ESRRG: variants seen among roughly 807,000 people sequenced by gnomAD.
The protein encoded by ESRRG is estrogen related receptor gamma.
A neutral mutation model predicts 44.0 loss-of-function variants in ESRRG; 13 were observed. The ratio of observed to expected loss-of-function variants is 0.30; its 90% CI spans 0.19 to 0.47. The LOEUF (loss-of-function observed/expected upper bound fraction) is 0.47. ESRRG is among the 20% of genes least tolerant of loss of function. The pLI, the probability that ESRRG is intolerant of heterozygous loss-of-function variation, is 1.00. For missense variants in ESRRG, 395 were observed against 580.6 expected (o/e 0.68, Z 3.29); for synonymous variants, 215 against 214.6 (o/e 1.00, Z -0.02).
At chr1:216,728,556 G>A (rs768862401) in intron 2 of ESRRG, among the ~76,000 whole-genome samples, 1 of 151,926 alleles carries the variant, frequency 6.6e-6, no homozygotes, top group Non-Finnish European at 1.5e-5. Flanking sequence ...GAACAAACAT[G>A]ACAGATTCCA....
At chr1:216,517,673 T>C (rs1266769282) in intron 6 of ESRRG, among the ~76,000 whole-genome samples, 3 of 152,192 alleles carry the variant, frequency 2.0e-5, no homozygotes, top group African/African-American at 4.8e-5. Flanking sequence ...GATGGTATAA[T>C]GTGAAGTCCA....
intron 2 of ESRRG, among the ~76,000 whole-genome samples, chr1:216,652,058 C>T (rs1360292648): frequency 6.6e-6 from 1 of 152,088 alleles, no homozygotes; most frequent in Non-Finnish European, 1.5e-5. Context: ...TAACCCTTTC[C>T]CCTTGTGATT....
chr1:217,126,587 C>A (rs1157699394), intron 1 of ESRRG, among the ~76,000 whole-genome samples: 1 of 152,056 alleles, frequency 6.6e-6, no homozygotes, highest in Non-Finnish European at 1.5e-5. Context: ...TAAAATATTT[C>A]TTCTGCTTGG....
At chr1:216,986,406 A>G (rs1446785601) in intron 1 of ESRRG, among the ~76,000 whole-genome samples, 1 of 152,114 alleles carries the variant, frequency 6.6e-6, no homozygotes, top group Non-Finnish European at 1.5e-5. Flanking sequence ...CTCCAAACCA[A>G]TGGGTCATAG....
rs1553467762 is a variant in ESRRG at position 216,658,896 on chromosome 1, A to AAGAGAAGAGAAGAGAAGAGAAGAGG, written c.473-7808_473-7807insCCTCTTCTCTTCTCTTCTCTTCTCT. ...AAGAGAAGAGAAGAGAAGAGAAGAG[A>AAGAGAAGAGAAGAGAAGAGAAGAGG]AGAGAAGAGAAGAGAAGAGAAATAA... is the stretch of plus-strand genomic sequence containing the variant. On this transcript the variant is annotated intron_variant, in intron 2 of 6. Coordinates refer to ENST00000408911, the MANE Select transcript of ESRRG (RefSeq NM_001438.4). Among the ~76,000 whole-genome samples the AAGAGAAGAGAAGAGAAGAGAAGAGG allele has an allele frequency of 2.5e-3, 380 of 150,240 alleles. 7 individuals are homozygous for AAGAGAAGAGAAGAGAAGAGAAGAGG. Among genetic ancestry groups the AAGAGAAGAGAAGAGAAGAGAAGAGG allele is most frequent in the African/African-American group, 8.9e-3 (361 of 40,380 alleles).
intron 1 of ESRRG, among the ~76,000 whole-genome samples, chr1:217,130,079 A>G (rs1465449935): frequency 1.3e-5 from 2 of 152,178 alleles, no homozygotes; most frequent in African/African-American, 4.8e-5. Flanking sequence ...ATATCACCCA[A>G]ATGATTTTAA....
intron 3 of ESRRG, among the ~76,000 whole-genome samples, chr1:216,583,474 A>T (rs2063182103): frequency 6.6e-6 from 1 of 152,176 alleles, no homozygotes; most frequent in Non-Finnish European, 1.5e-5. Flanking sequence ...ATCCCCTTGG[A>T]AGTTGTCATT....
chr1:216,903,765 C>T (rs1441127216), intron 2 of ESRRG, among the ~76,000 whole-genome samples: 1 of 152,096 alleles, frequency 6.6e-6, no homozygotes, highest in Admixed American at 6.5e-5. Context: ...ATGCCCCTGA[C>T]ATGCCATCTA....
At chr1:216,624,351 A>G (rs2062803106) in intron 3 of ESRRG, among the ~76,000 whole-genome samples, 1 of 152,220 alleles carries the variant, frequency 6.6e-6, no homozygotes. Context: ...GGACAGAAAT[A>G]ATTCCAGCCC....
chr1:216,807,711 C>T lies in ESRRG; in HGVS notation c.-13-130220G>A, dbSNP rs931368832. ...TTTGCAGCAGATTCTCTACCCTTTGCCAATAAAAAAAAAAAATCATGAATT... is the reference window on the plus strand; with the variant it reads ...TTTGCAGCAGATTCTCTACCCTTTGTCAATAAAAAAAAAAAATCATGAATT... On this transcript the variant is annotated intron_variant, in intron 2 of 7. Coordinates refer to the ESRRG transcript ENST00000359162. 2.5e-5 allele frequency among the ~76,000 whole-genome samples: 3 copies of T among 121,838 alleles called. No individual in the cohort carries two copies. In the East Asian group the frequency reaches 6.4e-4, roughly 26 times the overall value. 79.9% of individuals were successfully genotyped at this position (121,838 alleles called of 152,430 possible). A position where few individuals can be genotyped will look rare whatever the true frequency, so the allele number is the denominator to read the frequency against.
chr1:216,878,735 T>C (rs1282364493), intron 2 of ESRRG, among the ~76,000 whole-genome samples: 2 of 152,248 alleles, frequency 1.3e-5, no homozygotes, highest in Non-Finnish European at 2.9e-5. Context: ...TATTCAGTAC[T>C]ATTGGTTGCT....
At chr1:217,112,427 C>T (rs2092671468) in intron 1 of ESRRG, among the ~76,000 whole-genome samples, 1 of 151,996 alleles carries the variant, frequency 6.6e-6, no homozygotes, top group South Asian at 2.1e-4. Flanking sequence ...ATATTTGGGT[C>T]CTGGAGAAAG....
chr1:217,115,447 C>A (rs73103102), intron 1 of ESRRG, among the ~76,000 whole-genome samples: 1 of 152,048 alleles, frequency 6.6e-6, no homozygotes, highest in Non-Finnish European at 1.5e-5. Context: ...CTATATGATC[C>A]GTAAACATTT....
At chr1:217,026,823 A>G (rs1287087273) in intron 1 of ESRRG, among the ~76,000 whole-genome samples, 1 of 151,630 alleles carries the variant, frequency 6.6e-6, no homozygotes, top group Non-Finnish European at 1.5e-5. Context: ...GTTCCATCAA[A>G]AGGACCACCC....
At chr1:217,107,518 T>C (rs78548590) in intron 1 of ESRRG, among the ~76,000 whole-genome samples, 2,563 of 152,340 alleles carry the variant, frequency 0.017, 78 homozygotes, top group African/African-American at 0.059. Context: ...GTGAAGTTTG[T>C]TTTATTAGGC....
chr1:216,576,872 A>G (rs952399441), intron 3 of ESRRG, among the ~76,000 whole-genome samples: 10 of 45,774 alleles, frequency 2.2e-4, no homozygotes, highest in African/African-American at 7.9e-4. Flanking sequence ...TCTGTCTGCA[A>G]TTCTGACAAA....
chr1:216,544,331 A>G (rs1484881229), intron 5 of ESRRG, among the ~76,000 whole-genome samples: 1 of 152,078 alleles, frequency 6.6e-6, no homozygotes. Context: ...CCTTAAAAAT[A>G]ATTACATATT....
chr1:216,783,537 T>C (rs1393460162), intron 2 of ESRRG, among the ~76,000 whole-genome samples: 2 of 152,096 alleles, frequency 1.3e-5, no homozygotes, highest in Admixed American at 6.6e-5. Context: ...CTTTAGTTTC[T>C]GTTGTGCATT....
At chr1:216,981,734 C>T (rs1898311) in intron 1 of ESRRG, among the ~76,000 whole-genome samples, 129,968 of 152,142 alleles carry the variant, frequency 0.85, 55,687 homozygotes, top group East Asian at 1. Context: ...CACATACGCA[C>T]GCACACACAG....
Sources: gnomAD v4.1 joint callset for allele counts (sites outside exome capture counted in the v4.1 genomes callset) on GRCh38, gnomAD v4.1.1 for gene constraint, MANE v1.5 for transcripts, NCBI Gene and HGNC (gene_info 2026-07-23, HGNC 2026-07-21) for gene names.